The following PCSK5 variants were observed in gnomAD, a reference collection of about 807,000 sequenced individuals.
PCSK5 encodes the protein prohormone convertase 5.
A neutral mutation model predicts 233.2 loss-of-function variants in PCSK5; 129 were observed. The observed-to-expected ratio is 0.55, with a 90% CI of 0.48 to 0.64. The LOEUF (loss-of-function observed/expected upper bound fraction) is 0.64, where lower values mean the gene tolerates loss of function less well. Among genes scored for constraint, PCSK5 ranks in the 30% least tolerant of loss-of-function variants. PCSK5 has a pLI of 0.00. For synonymous variants in PCSK5, 825 were observed against 879.2 expected (o/e 0.94, Z 1.09); for missense variants, 2,076 against 2,430.1 (o/e 0.85, Z 3.06).
At chr9:76,332,259 A>G (rs773035331) in intron 33 of PCSK5, among the ~76,000 whole-genome samples, 174 bp from the exon 34 acceptor site, 15 of 152,192 alleles carry the variant, frequency 9.9e-5, no homozygotes, top group Non-Finnish European at 2.1e-4. Flanking sequence ...CCTTAGGGCA[A>G]TTCTGTTTCT....
chr9:76,257,982 G>C (rs530068872), intron 24 of PCSK5, among the ~76,000 whole-genome samples: 2 of 152,160 alleles, frequency 1.3e-5, no homozygotes, highest in Non-Finnish European at 2.9e-5. Flanking sequence ...TGAGACAAGT[G>C]AATATTGTTT....
At chr9:75,978,138 T>C (rs1323036117) in intron 2 of PCSK5, among the ~76,000 whole-genome samples, 1 of 152,148 alleles carries the variant, frequency 6.6e-6, no homozygotes, top group Non-Finnish European at 1.5e-5. Context: ...TCCACTCCCT[T>C]CTATTTAAAA....
intron 5 of PCSK5, among the ~76,000 whole-genome samples, chr9:76,065,450 TTA>T (rs1472478191): frequency 1.3e-5 from 2 of 152,208 alleles, no homozygotes; most frequent in East Asian, 1.9e-4. Context: ...CGTAGTCCAA[TTA>T]TATGTCTTCT....
intron 2 of PCSK5, among the ~76,000 whole-genome samples, chr9:75,944,159 T>C (rs1824451031): frequency 6.6e-6 from 1 of 150,842 alleles, no homozygotes; most frequent in African/African-American, 2.4e-5. Flanking sequence ...TGAGACTCTA[T>C]CTCAAAAAAG....
intron 24 of PCSK5, among the ~76,000 whole-genome samples, chr9:76,290,407 T>A (rs1175907559): frequency 1.2e-4 from 18 of 152,182 alleles, no homozygotes; most frequent in Admixed American, 1.2e-3. Context: ...TTCACTGTCC[T>A]GTCTTAGTCA....
intron 20 of PCSK5, among the ~76,000 whole-genome samples, chr9:76,212,911 A>T (rs1825384410): frequency 6.6e-6 from 1 of 152,202 alleles, no homozygotes; most frequent in Non-Finnish European, 1.5e-5. Flanking sequence ...TGGAATATGG[A>T]TCTGGCTTTC....
At chr9:76,080,712 T>C (rs759534713) in intron 7 of PCSK5, among the ~76,000 whole-genome samples, 3 of 152,194 alleles carry the variant, frequency 2.0e-5, no homozygotes, top group Non-Finnish European at 2.9e-5. Context: ...TGTTTCTATA[T>C]TAAAATGGAG....
At chr9:76,213,411 G>A (rs1185524399) in intron 20 of PCSK5, among the ~76,000 whole-genome samples, 1 of 152,146 alleles carries the variant, frequency 6.6e-6, no homozygotes, top group Non-Finnish European at 1.5e-5. Context: ...ATTCCCTGGG[G>A]ACAGGGTAAA....
intron 20 of PCSK5, among the ~76,000 whole-genome samples, chr9:76,205,720 G>A (rs1225725382): frequency 6.6e-6 from 1 of 152,114 alleles, no homozygotes; most frequent in Non-Finnish European, 1.5e-5. Flanking sequence ...CTAATTATTA[G>A]ACAATTCAGA....
intron 2 of PCSK5, among the ~76,000 whole-genome samples, chr9:75,978,001 T>G (rs1826104369): frequency 6.6e-6 from 1 of 152,184 alleles, no homozygotes; most frequent in African/African-American, 2.4e-5. Context: ...ATATCCTTCA[T>G]TAATATTTTT....
At chr9:75,931,391 T>C (rs881135) in intron 1 of PCSK5, among the ~76,000 whole-genome samples, 5,106 of 152,074 alleles carry the variant, frequency 0.034, 262 homozygotes, top group African/African-American at 0.11. Flanking sequence ...GCCTAAAGCA[T>C]GTGAGTGTCA....
intron 29 of PCSK5, among the ~76,000 whole-genome samples, chr9:76,309,940 C>G (rs893375853): frequency 1.3e-4 from 20 of 151,984 alleles, no homozygotes; most frequent in Admixed American, 1.1e-3. Context: ...AGGTGGATCC[C>G]CTGTTAAAGG....
intron 3 of PCSK5, among the ~76,000 whole-genome samples, chr9:76,020,510 T>C (rs1828137047): frequency 6.6e-6 from 1 of 152,228 alleles, no homozygotes; most frequent in Non-Finnish European, 1.5e-5. Context: ...TTAACATTCC[T>C]TTTTGTCATC....
chr9:76,266,491 T>C (rs1040554325), intron 24 of PCSK5, among the ~76,000 whole-genome samples: 4 of 152,172 alleles, frequency 2.6e-5, no homozygotes, highest in Admixed American at 6.5e-5. Flanking sequence ...TTTCATAACA[T>C]TGATAAAAAA....
In PCSK5 at chr9:76,222,379, AT is replaced by A. The variant is rs1362963222; in HGVS notation, c.2627-5119del. On this transcript the variant is annotated intron_variant, in intron 20 of 37. Transcript: ENST00000674117. ...ATAATATATATTTACCATTTTAACT[AT>A]TTTTAGTGTGTAGTTCTGTGGCATT... 3.3e-5 allele frequency among the ~76,000 whole-genome samples: 5 copies of A among 152,232 alleles called. No homozygotes were observed. The East Asian group carries it at 9.6e-4, about 29-fold the overall frequency.
intron 28 of PCSK5, among the ~76,000 whole-genome samples, chr9:76,307,103 A>G (rs1828726521): frequency 7.5e-6 from 1 of 133,728 alleles, no homozygotes; most frequent in Admixed American, 7.9e-5. Context: ...TTTAGTCTTC[A>G]CAACAATCCT....
chr9:76,055,660 A>G (rs2131566816), intron 5 of PCSK5, among the ~76,000 whole-genome samples: 1 of 152,306 alleles, frequency 6.6e-6, no homozygotes, highest in Non-Finnish European at 1.5e-5. Flanking sequence ...GTAGGCAAAA[A>G]GTAGGGTTGC....
intron 20 of PCSK5, among the ~76,000 whole-genome samples, chr9:76,220,298 G>A (rs1263447514): frequency 4.6e-5 from 7 of 151,960 alleles, no homozygotes; most frequent in Admixed American, 6.6e-5. Flanking sequence ...AGGCTGAGGC[G>A]GGCGGATCAC....
At chr9:75,954,922 C>T (rs78006301) in intron 2 of PCSK5, among the ~76,000 whole-genome samples, 1 of 152,238 alleles carries the variant, frequency 6.6e-6, no homozygotes, top group South Asian at 2.1e-4. Flanking sequence ...TACCTTCTCT[C>T]TGAACCATGA....
Sources: gnomAD v4.1 joint callset for allele counts (sites outside exome capture counted in the v4.1 genomes callset) on GRCh38, gnomAD v4.1.1 for gene constraint, MANE v1.5 for transcripts, NCBI Gene and HGNC (gene_info 2026-07-23, HGNC 2026-07-21) for gene names.